The following PACRG variants were observed in gnomAD, a reference collection of about 807,000 sequenced individuals.
The protein encoded by PACRG is parkin coregulated, also known as parkin coregulated gene protein.
In PACRG, 29 loss-of-function variants were observed where a neutral mutation model predicts 29.7. The observed-to-expected ratio is 0.98, with a 90% CI of 0.73 to 1.33. The LOEUF (loss-of-function observed/expected upper bound fraction) is 1.33. Ranked by LOEUF, PACRG falls within the 40% of genes most tolerant of loss-of-function variation. The pLI, the probability that PACRG is intolerant of heterozygous loss-of-function variation, is 0.00. For missense variants in PACRG, 279 were observed against 316.2 expected (o/e 0.88, Z 0.89); for synonymous variants, 116 against 118.7 (o/e 0.98, Z 0.15).
At chr6:163,171,565 C>G (rs1779087181) in intron 4 of PACRG, among the ~76,000 whole-genome samples, 1 of 152,190 alleles carries the variant, frequency 6.6e-6, no homozygotes, top group African/African-American at 2.4e-5. Context: ...CAATGATGTA[C>G]CAATCCTAGC....
intron 2 of PACRG, among the ~76,000 whole-genome samples, chr6:162,929,847 AT>A (rs1797720503): frequency 6.6e-6 from 1 of 151,926 alleles, no homozygotes; most frequent in South Asian, 2.1e-4. Flanking sequence ...TTCTTTTCCC[AT>A]TGTATGTTCT....
intron 4 of PACRG, among the ~76,000 whole-genome samples, chr6:163,280,921 A>T (rs1396539250): frequency 6.6e-6 from 1 of 152,190 alleles, no homozygotes; most frequent in Non-Finnish European, 1.5e-5. Context: ...AACACATGTA[A>T]ACCACAACTT....
At chr6:162,896,705 A>G (rs1795195316) in intron 2 of PACRG, among the ~76,000 whole-genome samples, 1 of 152,216 alleles carries the variant, frequency 6.6e-6, no homozygotes. Flanking sequence ...TTTGTATGAC[A>G]CAATCTGTAG....
chr6:162,759,460 A>T (rs889306074), intron 1 of PACRG, among the ~76,000 whole-genome samples: 1 of 152,228 alleles, frequency 6.6e-6, no homozygotes, highest in Non-Finnish European at 1.5e-5. Flanking sequence ...GCAGTAATAA[A>T]TGCTCCAGAT....
At chr6:163,242,483 A>G (rs547967712) in intron 4 of PACRG, among the ~76,000 whole-genome samples, 1 of 152,356 alleles carries the variant, frequency 6.6e-6, no homozygotes, top group East Asian at 1.9e-4. Context: ...CTTGATTTAT[A>G]AGGCTCAATT....
chr6:162,876,980 T>C (rs924270655), intron 2 of PACRG, among the ~76,000 whole-genome samples: 2 of 152,178 alleles, frequency 1.3e-5, no homozygotes, highest in Admixed American at 6.5e-5. Context: ...ACTTTTACAC[T>C]GTTGGTGGGA....
intron 4 of PACRG, among the ~76,000 whole-genome samples, chr6:163,233,470 G>T (rs117343822): frequency 8.3e-4 from 127 of 152,330 alleles, no homozygotes; most frequent in Non-Finnish European, 1.4e-3. Context: ...AAATTACCCT[G>T]TGTGGCTAAA....
At chr6:162,850,514 G>A (rs936644563) in intron 2 of PACRG, among the ~76,000 whole-genome samples, 3 of 152,150 alleles carry the variant, frequency 2.0e-5, no homozygotes, top group African/African-American at 7.2e-5. Context: ...GGGGAGAGGG[G>A]CTGAGGGTTA....
chr6:163,065,752 C>T (rs905972881), intron 3 of PACRG, among the ~76,000 whole-genome samples: 1 of 152,134 alleles, frequency 6.6e-6, no homozygotes, highest in Non-Finnish European at 1.5e-5. Flanking sequence ...GGAGATTAGA[C>T]TCAAATAAAA....
At chr6:163,187,212 T>A (rs1035329168) in intron 4 of PACRG, among the ~76,000 whole-genome samples, 3 of 152,144 alleles carry the variant, frequency 2.0e-5, no homozygotes, top group African/African-American at 7.2e-5. Flanking sequence ...ATTATTGACT[T>A]CTCACATCCG....
intron 2 of PACRG, among the ~76,000 whole-genome samples, chr6:162,967,566 T>G (rs1323511879): frequency 2.6e-5 from 4 of 151,804 alleles, no homozygotes; most frequent in Admixed American, 6.6e-5. Flanking sequence ...GAGTGCAGTG[T>G]TGCGATCTCG....
chr6:163,214,106 T>A (rs569297411), intron 4 of PACRG, among the ~76,000 whole-genome samples: 30 of 152,334 alleles, frequency 2.0e-4, no homozygotes, highest in African/African-American at 6.7e-4. Context: ...TATTGTCCAA[T>A]AGAACCGTCT....
chr6:163,264,123 A>C (rs556993949), intron 4 of PACRG, among the ~76,000 whole-genome samples: 141 of 152,320 alleles, frequency 9.3e-4, no homozygotes, highest in Middle Eastern at 3.4e-3. Flanking sequence ...TGCAAACTCA[A>C]ATAGCTGAGA....
At chr6:162,741,674 ACAGT>A (rs755907816) in intron 1 of PACRG, among the ~76,000 whole-genome samples, 5 of 152,322 alleles carry the variant, frequency 3.3e-5, no homozygotes, top group East Asian at 3.9e-4. Flanking sequence ...GGGAACACAA[ACAGT>A]CAGTATCAGG....
At chr6:162,887,968 G>A (rs1794474928) in intron 2 of PACRG, among the ~76,000 whole-genome samples, 2 of 152,178 alleles carry the variant, frequency 1.3e-5, no homozygotes, top group African/African-American at 4.8e-5. Context: ...GGGGTGGTAA[G>A]TCCAAGATCA....
intron 4 of PACRG, among the ~76,000 whole-genome samples, chr6:163,224,490 T>C (rs904438856): frequency 6.6e-6 from 1 of 151,154 alleles, no homozygotes; most frequent in African/African-American, 2.4e-5. Context: ...AACAGACATG[T>C]AGACCAAATA....
chr6:163,075,105 T>A (rs1001022557), intron 3 of PACRG, among the ~76,000 whole-genome samples: 1 of 152,164 alleles, frequency 6.6e-6, no homozygotes, highest in African/African-American at 2.4e-5. Context: ...AATATCATGA[T>A]AGGGTATTAA....
intron 4 of PACRG, among the ~76,000 whole-genome samples, chr6:163,162,212 A>C (rs1484943315): frequency 6.6e-6 from 1 of 152,206 alleles, no homozygotes; most frequent in Non-Finnish European, 1.5e-5. Flanking sequence ...GTGCTGACCT[A>C]CAAAAAGGAC....
chr6:162,780,459 T>C (rs1191002339), intron 1 of PACRG, among the ~76,000 whole-genome samples: 3 of 152,184 alleles, frequency 2.0e-5, no homozygotes, highest in African/African-American at 4.8e-5. Flanking sequence ...AAAATATTTA[T>C]AGCTATACTA....
Sources: allele counts gnomAD v4.1 joint callset (sites outside exome capture counted in the v4.1 genomes callset), GRCh38; gene constraint gnomAD v4.1.1; transcripts MANE v1.5; gene names NCBI Gene and HGNC (gene_info 2026-07-23, HGNC 2026-07-21).